SYT1: variants seen among roughly 807,000 people sequenced by gnomAD.
SYT1 encodes synaptotagmin-1.
A neutral mutation model predicts 44.8 loss-of-function variants in SYT1; 8 were observed. That is an observed-to-expected ratio of 0.18 (90% CI 0.10 to 0.32). The LOEUF (loss-of-function observed/expected upper bound fraction) is 0.32, where lower values mean the gene tolerates loss of function less well. Among genes scored for constraint, SYT1 ranks in the 10% least tolerant of loss-of-function variants. The probability of loss-of-function intolerance (pLI) is 1.00; values close to 1 mark genes in which losing one functional copy is unlikely to be tolerated. For synonymous variants in SYT1, 154 were observed against 188.8 expected (o/e 0.82, Z 1.51); for missense variants, 286 against 509.3 (o/e 0.56, Z 4.22).
chr12:79,131,122 T>C (rs1668099401), intron 3 of SYT1, among the ~76,000 whole-genome samples: 2 of 152,080 alleles, frequency 1.3e-5, no homozygotes. Flanking sequence ...GTTTTCTTTT[T>C]TTTTTTTTCT....
intron 9 of SYT1, among the ~76,000 whole-genome samples, chr12:79,354,082 A>G (rs1232529957): frequency 3.3e-5 from 5 of 152,220 alleles, no homozygotes; most frequent in South Asian, 2.1e-4. Flanking sequence ...ATATATATGC[A>G]TAATGAAATC....
intron 8 of SYT1, among the ~76,000 whole-genome samples, chr12:79,315,059 A>T (rs1349043144): frequency 6.6e-6 from 1 of 152,208 alleles, no homozygotes; most frequent in East Asian, 1.9e-4. Flanking sequence ...AGAATTAGAT[A>T]GCAATGATGG....
intron 4 of SYT1, among the ~76,000 whole-genome samples, chr12:79,265,124 T>C (rs1361580321): frequency 6.6e-6 from 1 of 152,196 alleles, no homozygotes; most frequent in Non-Finnish European, 1.5e-5. Context: ...CAAATGATAA[T>C]AACTGGCATT....
At chr12:78,869,608 A>T (rs1459509702) in intron 1 of SYT1, among the ~76,000 whole-genome samples, 1 of 151,994 alleles carries the variant, frequency 6.6e-6, no homozygotes, top group Admixed American at 6.6e-5. Flanking sequence ...TCTACATTAC[A>T]TTATTTTAAA....
At chr12:79,184,040 C>T (rs983009521) in intron 3 of SYT1, among the ~76,000 whole-genome samples, 1 of 152,066 alleles carries the variant, frequency 6.6e-6, no homozygotes, top group African/African-American at 2.4e-5. Context: ...GGTGAGGAAA[C>T]ATCCTGTAGT....
Position 79,096,883 on chromosome 12 carries a change from G to A in SYT1, c.-18+49521G>A, listed in dbSNP as rs1039198889. Among the ~76,000 whole-genome samples the A allele has an allele frequency of 3.3e-5, 5 of 152,136 alleles. No individual in the cohort carries two copies. In the South Asian group the frequency reaches 1.0e-3, roughly 32 times the overall value. ...GGTGGGACAAAAGCAGAGTCAGAGA[G>A]ATTAAGAGGCTGGGAAAGATTGAAG... On this transcript the variant is annotated intron_variant, in intron 3 of 10. Transcript: ENST00000261205.
intron 9 of SYT1, among the ~76,000 whole-genome samples, chr12:79,403,848 T>C (rs1885153034): frequency 6.6e-6 from 1 of 152,178 alleles, no homozygotes. Flanking sequence ...AATTTGTGAA[T>C]AAACCTTCCT....
chr12:79,428,132 C>A (rs1300036378), intron 9 of SYT1, among the ~76,000 whole-genome samples: 1 of 152,098 alleles, frequency 6.6e-6, no homozygotes, highest in Non-Finnish European at 1.5e-5. Flanking sequence ...CTCAGGGTAG[C>A]CACTAAGTCT....
chr12:79,344,668 G>A (rs1882528592), intron 8 of SYT1, among the ~76,000 whole-genome samples: 1 of 151,962 alleles, frequency 6.6e-6, no homozygotes, highest in African/African-American at 2.4e-5. Flanking sequence ...AGTTGCCCAG[G>A]CTGGTCTCAA....
At chr12:78,876,030 C>T (rs952188572) in intron 1 of SYT1, among the ~76,000 whole-genome samples, 1 of 151,624 alleles carries the variant, frequency 6.6e-6, no homozygotes, top group Admixed American at 6.6e-5. Context: ...AACTTTTTAT[C>T]ACATTCATGA....
chr12:79,048,476 A>C (rs981276269), intron 3 of SYT1, among the ~76,000 whole-genome samples: 5 of 151,854 alleles, frequency 3.3e-5, no homozygotes, highest in African/African-American at 4.8e-5. Context: ...AGGTGTGAGA[A>C]AGGCAGAGAA....
chr12:79,105,662 G>C (rs996594439), intron 3 of SYT1, among the ~76,000 whole-genome samples: 14 of 152,234 alleles, frequency 9.2e-5, no homozygotes, highest in African/African-American at 3.1e-4. Flanking sequence ...AGACAGATCA[G>C]GAGGTCAGGA....
intron 3 of SYT1, among the ~76,000 whole-genome samples, chr12:79,118,169 T>A (rs1390689053): frequency 6.6e-6 from 1 of 152,150 alleles, no homozygotes; most frequent in Non-Finnish European, 1.5e-5. Flanking sequence ...AACTACATTA[T>A]CACTTAACCC....
At chr12:79,418,271 T>C (rs1228253425) in intron 9 of SYT1, among the ~76,000 whole-genome samples, 4 of 152,114 alleles carry the variant, frequency 2.6e-5, no homozygotes, top group Non-Finnish European at 4.4e-5. Flanking sequence ...CGAAAATTTT[T>C]CACTTGGTGC....
chr12:79,214,372 T>C (rs1364932003), intron 3 of SYT1, among the ~76,000 whole-genome samples: 2 of 152,312 alleles, frequency 1.3e-5, no homozygotes, highest in South Asian at 2.1e-4. Context: ...TTTATGTCTA[T>C]AGAGGATTGG....
chr12:79,316,397 T>C (rs1024571447), intron 8 of SYT1, among the ~76,000 whole-genome samples: 23 of 152,252 alleles, frequency 1.5e-4, no homozygotes, highest in African/African-American at 5.3e-4. Context: ...ATTTTCCTAT[T>C]GGTGGACTTT....
At chr12:78,870,778 A>T (rs1041156185) in intron 1 of SYT1, among the ~76,000 whole-genome samples, 5 of 151,768 alleles carry the variant, frequency 3.3e-5, no homozygotes, top group Admixed American at 1.3e-4. Context: ...CTTGCATGTC[A>T]CTCCATGCCT....
At chr12:79,126,851 CTTAT>C (rs1592772090) in intron 3 of SYT1, among the ~76,000 whole-genome samples, 1 of 152,272 alleles carries the variant, frequency 6.6e-6, no homozygotes, top group South Asian at 2.1e-4. Context: ...GAATTCTGTG[CTTAT>C]TTGTCAACCC....
intron 2 of SYT1, among the ~76,000 whole-genome samples, chr12:78,985,516 T>C (rs1230413067): frequency 6.6e-6 from 1 of 151,600 alleles, no homozygotes; most frequent in Non-Finnish European, 1.5e-5. Flanking sequence ...TCTGATGGCA[T>C]CCAAGAAAGT....
Sources: gnomAD v4.1 joint callset for allele counts (sites outside exome capture counted in the v4.1 genomes callset) on GRCh38, gnomAD v4.1.1 for gene constraint, MANE v1.5 for transcripts, NCBI Gene and HGNC (gene_info 2026-07-23, HGNC 2026-07-21) for gene names.